The following ARL15 variants were observed in gnomAD, a reference collection of about 807,000 sequenced individuals.
ARL15 encodes ARF like GTPase 15, also known as ADP-ribosylation factor-like protein 15.
A neutral mutation model predicts 25.2 loss-of-function variants in ARL15; 19 were observed. The ratio of observed to expected loss-of-function variants is 0.75; its 90% confidence interval spans 0.53 to 1.10. ARL15 has a LOEUF of 1.10. Ranked by LOEUF, ARL15 falls within the 50% of genes least tolerant of loss-of-function variation. The pLI is 0.00. For missense variants in ARL15, 220 were observed against 246.0 expected, an observed-to-expected ratio of 0.89 and a Z score of 0.71; for synonymous variants, 94 against 86.8, an observed-to-expected ratio of 1.08 and a Z score of -0.46.
intron 4 of ARL15, among the ~76,000 whole-genome samples, chr5:53,953,304 A>G (rs983368520): frequency 2.0e-5 from 3 of 152,182 alleles, no homozygotes; most frequent in Non-Finnish European, 4.4e-5. Flanking sequence ...TGAGGAGGAT[A>G]ATATACGTGT....
chr5:54,129,042 ATTTCT>A (rs1753353855), intron 3 of ARL15, among the ~76,000 whole-genome samples: 1 of 152,144 alleles, frequency 6.6e-6, no homozygotes. Context: ...GGAAAATTAA[ATTTCT>A]TTTCAGTGAG....
At chr5:54,078,678 C>T (rs1259359661) in intron 4 of ARL15, among the ~76,000 whole-genome samples, 2 of 148,302 alleles carry the variant, frequency 1.3e-5, no homozygotes, top group Non-Finnish European at 3.0e-5. Context: ...GCTAAAGTAA[C>T]ATTGACTGAA....
chr5:53,958,192 G>GA (rs70986652), intron 4 of ARL15, among the ~76,000 whole-genome samples: 1,431 of 116,276 alleles, frequency 0.012, 16 homozygotes, highest in African/African-American at 0.036. Context: ...TCAAAAAAAA[G>GA]AAAAAAAAAA....
chr5:54,130,194 C>T (rs1459574583), intron 3 of ARL15, among the ~76,000 whole-genome samples: 1 of 152,144 alleles, frequency 6.6e-6, no homozygotes, highest in African/African-American at 2.4e-5. Context: ...GCCATGACTG[C>T]ACCACTGTAC....
At chr5:54,055,402 C>T (rs1399312354) in intron 4 of ARL15, among the ~76,000 whole-genome samples, 2 of 145,228 alleles carry the variant, frequency 1.4e-5, no homozygotes, top group Non-Finnish European at 3.0e-5. Context: ...GCTCTGTCGC[C>T]CAGGCTGGAG....
intron 4 of ARL15, among the ~76,000 whole-genome samples, chr5:53,966,477 T>C (rs1159773208): frequency 1.3e-5 from 2 of 151,772 alleles, no homozygotes; most frequent in African/African-American, 4.8e-5. Context: ...AAAGTGGGAG[T>C]TGTGGGAACC....
At chr5:54,034,839 T>TC (rs1750120164) in intron 4 of ARL15, among the ~76,000 whole-genome samples, 1 of 151,722 alleles carries the variant, frequency 6.6e-6, no homozygotes, top group Admixed American at 6.6e-5. Flanking sequence ...TAACTTTTTT[T>TC]TTTTTTAGAG....
intron 4 of ARL15, among the ~76,000 whole-genome samples, chr5:53,973,704 A>G (rs555182626): frequency 2.0e-5 from 3 of 151,980 alleles, no homozygotes; most frequent in Admixed American, 6.6e-5. Flanking sequence ...GCGCCACTGT[A>G]CTCCAGCCTG....
intron 4 of ARL15, among the ~76,000 whole-genome samples, chr5:54,004,407 C>T (rs752801545): frequency 3.8e-4 from 57 of 151,680 alleles, no homozygotes; most frequent in Non-Finnish European, 7.2e-4. Flanking sequence ...GCAGGAGAAT[C>T]GCTTGAACCC....
chr5:53,952,175 T>C (rs1746995030), intron 4 of ARL15, among the ~76,000 whole-genome samples: 1 of 152,130 alleles, frequency 6.6e-6, no homozygotes, highest in South Asian at 2.1e-4. Flanking sequence ...AGGCAGAGAA[T>C]TGCTTGAACC....
intron 4 of ARL15, among the ~76,000 whole-genome samples, chr5:54,020,008 G>A (rs998997579): frequency 6.6e-6 from 1 of 152,196 alleles, no homozygotes; most frequent in African/African-American, 2.4e-5. Flanking sequence ...TGTAAGCTCT[G>A]AGCTTTGTTA....
At chr5:54,014,665 C>T (rs1415417504) in intron 4 of ARL15, among the ~76,000 whole-genome samples, 1 of 151,984 alleles carries the variant, frequency 6.6e-6, no homozygotes, top group Non-Finnish European at 1.5e-5. Context: ...GGATTACAGG[C>T]ACACGTCACC....
chr5:54,227,331 C>A (rs533146875), intron 1 of ARL15, among the ~76,000 whole-genome samples: 2 of 152,320 alleles, frequency 1.3e-5, no homozygotes, highest in Admixed American at 1.3e-4. Context: ...CCTCCTGCAG[C>A]AAGCAAGGTG....
intron 4 of ARL15, among the ~76,000 whole-genome samples, chr5:54,098,665 T>C (rs568335169): frequency 6.6e-6 from 1 of 152,328 alleles, no homozygotes; most frequent in African/African-American, 2.4e-5. Flanking sequence ...TGATTTATTA[T>C]AAGGAATACA....
At chr5:54,121,294 T>C (rs1347111032) in intron 3 of ARL15, among the ~76,000 whole-genome samples, 1 of 152,118 alleles carries the variant, frequency 6.6e-6, no homozygotes, top group Non-Finnish European at 1.5e-5. Context: ...TGACATTCTT[T>C]TTGGAAATGC....
At chr5:54,231,572 T>C (rs997320844) in intron 1 of ARL15, among the ~76,000 whole-genome samples, 1 of 152,196 alleles carries the variant, frequency 6.6e-6, no homozygotes, top group African/African-American at 2.4e-5. Flanking sequence ...GGTAACTCCT[T>C]ATCTTAGCTT....
intron 3 of ARL15, among the ~76,000 whole-genome samples, chr5:54,137,029 T>C (rs1753625776): frequency 1.3e-5 from 2 of 152,138 alleles, no homozygotes; most frequent in African/African-American, 4.8e-5. Flanking sequence ...AAATTTGATT[T>C]AGAACTGCAG....
At chr5:54,029,907 G>GA (rs974163162) in intron 4 of ARL15, among the ~76,000 whole-genome samples, 288 of 152,220 alleles carry the variant, frequency 1.9e-3, no homozygotes, top group African/African-American at 6.7e-3. Context: ...TGAGGCAGGA[G>GA]AATTACGTGA....
chr5:54,057,377 G>C (rs1226419232), intron 4 of ARL15, among the ~76,000 whole-genome samples: 1 of 152,094 alleles, frequency 6.6e-6, no homozygotes, highest in East Asian at 1.9e-4. Flanking sequence ...AAAACCATAA[G>C]ACTGGTAACA....
Sources: gnomAD v4.1 joint callset for allele counts (sites outside exome capture counted in the v4.1 genomes callset) on GRCh38, gnomAD v4.1.1 for gene constraint, MANE v1.5 for transcripts, NCBI Gene and HGNC (gene_info 2026-07-23, HGNC 2026-07-21) for gene names.